The following DLEU7 variants were observed in gnomAD, a reference collection of about 807,000 sequenced individuals.
The protein encoded by DLEU7 is deleted in lymphocytic leukemia 7.
A neutral mutation model predicts 16.0 loss-of-function variants in DLEU7; 17 were observed. The ratio of observed to expected loss-of-function variants is 1.06; its 90% confidence interval spans 0.73 to 1.59. DLEU7 has a LOEUF of 1.59. Ranked by LOEUF, DLEU7 falls within the 40% of genes most tolerant of loss-of-function variation. The pLI is 0.00. For synonymous variants in DLEU7, 113 were observed against 139.8 expected (o/e 0.81, Z 1.35); for missense variants, 308 against 314.9 (o/e 0.98, Z 0.17).
At chr13:50,801,754 A>C (rs1013229283) in intron 1 of DLEU7, among the ~76,000 whole-genome samples, 1 of 152,110 alleles carries the variant, frequency 6.6e-6, no homozygotes, top group Admixed American at 6.6e-5. Flanking sequence ...GTTTACACCA[A>C]GTTAGGGAGT....
downstream of DLEU7, among the ~76,000 whole-genome samples, chr13:50,821,792 C>T (rs1446735276): frequency 6.6e-6 from 1 of 151,876 alleles, no homozygotes. Context: ...ATAGGGTAGG[C>T]AGCATATAAA....
chr13:50,811,279 G>A lies in DLEU7; in HGVS notation c.459+31909C>T, dbSNP rs528697019. ...AGGCAGAAACTGAAAGTTAAGAACC[G>A]AGGGAAGGCCTTTAGAAAGAGAAGT... On this transcript the variant is annotated intron_variant, in intron 1 of 1. Transcript: ENST00000400393. Among the ~76,000 whole-genome samples, 156 of 152,212 alleles carry A rather than the reference G, an allele frequency of 1.0e-3. 1 individual carries two copies. The highest frequency in any genetic ancestry group is 3.4e-3 in the African/African-American group (142 of 41,546).
chr13:50,823,594 G>C, intron 1 of DLEU7, 74 bp from the exon 2 acceptor site: 10 of 1,489,712 alleles, frequency 6.7e-6, no homozygotes, highest in Non-Finnish European at 9.0e-6. Flanking sequence ...TGCTTACCCA[G>C]CTTCCATTCT....
chr13:50,733,808 T>C (rs532170586), intron 1 of DLEU7, among the ~76,000 whole-genome samples: 1 of 152,316 alleles, frequency 6.6e-6, no homozygotes, highest in Non-Finnish European at 1.5e-5. Context: ...TTTATATAAC[T>C]ATCATTAAAG....
intron 1 of DLEU7, among the ~76,000 whole-genome samples, chr13:50,723,415 T>TACACACACAC (rs35069706): frequency 6.7e-6 from 1 of 148,268 alleles, no homozygotes; most frequent in Non-Finnish European, 1.5e-5. Context: ...ACAATAATTG[T>TACACACACAC]ACACACACAC....
At chr13:50,736,554 G>T (rs1874076223) in intron 1 of DLEU7, among the ~76,000 whole-genome samples, 1 of 152,012 alleles carries the variant, frequency 6.6e-6, no homozygotes, top group Non-Finnish European at 1.5e-5. Flanking sequence ...TGTAGCAAAA[G>T]CAATCCCTAG....
downstream of DLEU7, among the ~76,000 whole-genome samples, chr13:50,821,013 C>T (rs542019329): frequency 1.2e-4 from 18 of 152,152 alleles, no homozygotes; most frequent in South Asian, 8.3e-4. Flanking sequence ...TGCTCAGTAG[C>T]CACGTGCGGC....
At chr13:50,740,257 T>C (rs1378208338) in intron 1 of DLEU7, among the ~76,000 whole-genome samples, 2 of 152,128 alleles carry the variant, frequency 1.3e-5, no homozygotes, top group Non-Finnish European at 1.5e-5. Flanking sequence ...CAAACCATAA[T>C]AGTGTAACAG....
intron 1 of DLEU7, among the ~76,000 whole-genome samples, chr13:50,763,981 C>T (rs980329166): frequency 4.6e-5 from 7 of 152,198 alleles, no homozygotes; most frequent in African/African-American, 1.4e-4. Flanking sequence ...AAGTAAGAGA[C>T]AATATTAAAG....
intron 1 of DLEU7, among the ~76,000 whole-genome samples, chr13:50,758,587 T>C (rs1874832274): frequency 6.6e-6 from 1 of 152,194 alleles, no homozygotes; most frequent in African/African-American, 2.4e-5. Flanking sequence ...TGGTCTCCAC[T>C]GAAGACTCCA....
At chr13:50,795,587 T>C (rs1439188680) in intron 1 of DLEU7, among the ~76,000 whole-genome samples, 1 of 152,228 alleles carries the variant, frequency 6.6e-6, no homozygotes, top group Non-Finnish European at 1.5e-5. Flanking sequence ...TCAATATTTC[T>C]AAATTTAAAC....
chr13:50,738,671 T>A (rs1252627245), intron 1 of DLEU7, among the ~76,000 whole-genome samples: 1 of 152,072 alleles, frequency 6.6e-6, no homozygotes, highest in Non-Finnish European at 1.5e-5. Context: ...GATACAAATC[T>A]TGCCTACAAT....
chr13:50,711,605 A>G (rs1310939062), downstream of DLEU7: 2 of 152,198 alleles, frequency 1.3e-5, no homozygotes, highest in East Asian at 3.8e-4. Context: ...CTGGAGCCTT[A>G]TCACGCTAGA....
At chr13:50,713,317 G>A (rs756183917) in intron 1 of DLEU7, 52 of 1,526,572 alleles carry the variant, frequency 3.4e-5, no homozygotes, top group Non-Finnish European at 4.5e-5. Context: ...ATTATTTACT[G>A]AGCACTATAT....
intron 1 of DLEU7, among the ~76,000 whole-genome samples, chr13:50,761,686 A>G (rs1054948690): frequency 2.6e-5 from 4 of 152,138 alleles, no homozygotes; most frequent in Admixed American, 2.6e-4. Flanking sequence ...ATTGCCCCAA[A>G]TGAATCATGG....
chr13:50,835,031 C>T (rs9596382), intron 1 of DLEU7, among the ~76,000 whole-genome samples: 1,397 of 37,464 alleles, frequency 0.037, 23 homozygotes, highest in African/African-American at 0.13. Context: ...TATCACATAC[C>T]GGGGCCTGTA....
chr13:50,819,058 C>T (rs1876818640), downstream of DLEU7, among the ~76,000 whole-genome samples: 2 of 152,114 alleles, frequency 1.3e-5, no homozygotes, highest in African/African-American at 4.8e-5. Context: ...ACCATTTAGC[C>T]ACTACAACAG....
chr13:50,778,694 T>C (rs182029727), intron 1 of DLEU7, among the ~76,000 whole-genome samples: 9 of 152,330 alleles, frequency 5.9e-5, no homozygotes, highest in Non-Finnish European at 1.5e-5. Flanking sequence ...ACTTTGAAGG[T>C]CAAATTTCCT....
intron 1 of DLEU7, among the ~76,000 whole-genome samples, chr13:50,758,025 ATTTTTT>A (rs5803530): frequency 2.2e-5 from 2 of 89,106 alleles, no homozygotes; most frequent in African/African-American, 1.0e-4. Context: ...CATTACCAAG[ATTTTTT>A]TTTTTTTTTT....
Sources: gnomAD v4.1 joint callset for allele counts (sites outside exome capture counted in the v4.1 genomes callset) on GRCh38, gnomAD v4.1.1 for gene constraint, MANE v1.5 for transcripts, NCBI Gene and HGNC (gene_info 2026-07-23, HGNC 2026-07-21) for gene names.